SKA3: variants seen among roughly 807,000 people sequenced by gnomAD.
SKA3 encodes spindle and kinetochore-associated protein 3.
Under a neutral mutation model 44.2 loss-of-function variants are expected in SKA3, and 39 were observed. The ratio of observed to expected loss-of-function variants is 0.88; its 90% CI spans 0.68 to 1.15. The LOEUF (loss-of-function observed/expected upper bound fraction) is 1.15. Ranked by LOEUF, SKA3 falls within the 50% of genes most tolerant of loss-of-function variation. SKA3 has a pLI of 0.00. For missense variants in SKA3, 511 were observed against 485.8 expected, an observed-to-expected ratio of 1.05 and a Z score of -0.49; for synonymous variants, 192 against 172.0, an observed-to-expected ratio of 1.12 and a Z score of -0.91.
chr13:21,174,981 G>A (rs1013285538), intron 1 of SKA3, among the ~76,000 whole-genome samples: 34 of 152,108 alleles, frequency 2.2e-4, no homozygotes, highest in Non-Finnish European at 4.4e-4. Context: ...ACCATCTGAA[G>A]ATAGTTTTTT....
At position 21,168,306 on chromosome 13, in the gene SKA3, G is replaced by A; in HGVS notation, c.425C>T (p.Pro142Leu). The A allele has an allele frequency of 1.2e-6, 2 of 1,614,168 alleles. No homozygotes were observed. The highest frequency in any genetic ancestry group is 1.7e-6 in the Non-Finnish European group (2 of 1,180,020). The part of the protein sequence containing the change: ...TDVKDDLSDP[P>L]VASSCISEKS... ...CTCAGAAATACAACTGCTTGCAACA[G>A]GAGGATCAGACAGATCATCTTTCAC... Residue 142 changes from proline to leucine, a missense_variant, in exon 4 of 9, where the codon CCT becomes CTT. Coordinates refer to ENST00000314759, the MANE Select transcript of SKA3 (RefSeq NM_145061.6).
chr13:21,167,257 C>A (rs1174102602), intron 4 of SKA3, among the ~76,000 whole-genome samples: 2 of 152,168 alleles, frequency 1.3e-5, no homozygotes, highest in Non-Finnish European at 2.9e-5. Flanking sequence ...CTAGATCATC[C>A]CCTTTTCCCA....
At chr13:21,174,052 CCA>C (rs1195281822) in intron 1 of SKA3, among the ~76,000 whole-genome samples, 1 of 152,130 alleles carries the variant, frequency 6.6e-6, no homozygotes, top group Non-Finnish European at 1.5e-5. Context: ...CCATCTCACA[CCA>C]GTTAGAATGG....
At chr13:21,172,240 C>A in intron 3 of SKA3, 99 bp downstream of exon 3, 2 of 772,082 alleles carry the variant, frequency 2.6e-6, no homozygotes, top group Non-Finnish European at 4.1e-6. Context: ...AACAACAGAG[C>A]TAGAACTAAA....
intron 4 of SKA3, among the ~76,000 whole-genome samples, chr13:21,167,028 C>G (rs1034388012): frequency 6.6e-6 from 1 of 152,066 alleles, no homozygotes; most frequent in Admixed American, 6.6e-5. Flanking sequence ...GTAACTCTTA[C>G]GGTTTTAATC....
Position 21,168,406 on chromosome 13 carries a change from G to A in SKA3, c.332-7C>T. 8.6e-7 allele frequency: 1 copy of A among 1,166,518 alleles called. No individual in the cohort carries two copies. The allele number at this position is 1,166,518 out of a possible 1,614,324, so 72.3% of individuals were successfully genotyped here. On this transcript the variant is annotated splice_polypyrimidine_tract_variant and splice_region_variant and intron_variant, in intron 3 of 8. Coordinates refer to ENST00000314759, the MANE Select transcript of SKA3 (RefSeq NM_145061.6). Reference sequence around the variant, plus strand: ...ATGGCTTCTTGCTCGTGTACTAGGAGGAAAAATCAGAATATTCTGGTCAAA... The same window carrying A: ...ATGGCTTCTTGCTCGTGTACTAGGAAGAAAAATCAGAATATTCTGGTCAAA...
rs1870214210 is a variant in SKA3, at chr13:21,157,969, T to C, written c.1072A>G (p.Thr358Ala). 1.9e-6 allele frequency: 3 copies of C among 1,612,738 alleles called. No homozygotes were observed. Among genetic ancestry groups the C allele is most frequent in the Non-Finnish European group, 2.5e-6 (3 of 1,179,254 alleles). The change falls in exon 7 of 9, where the codon ACA becomes GCA. Residue 358 changes from threonine (T) to alanine (A), a missense_variant. By Grantham distance (58) the Thr-to-Ala change is moderately conservative. Coordinates refer to ENST00000314759, the MANE Select transcript of SKA3 (RefSeq NM_145061.6). The stretch of plus-strand genomic sequence containing the variant: ...TTAGTTACTTCCGGAGGTGTAGGTG[T>C]TCTGAGCAGATTCTCATAAGAAGAA... ...TISSYENLLR[T>A]PTPPEVTKIP...
chr13:21,158,006 A>C lies in SKA3; in HGVS notation c.1035T>G (p.Ser345=). The change falls in exon 7 of 9, where the codon TCT becomes TCG. Residue 345 remains serine, a synonymous_variant. Coordinates refer to ENST00000314759, the MANE Select transcript of SKA3 (RefSeq NM_145061.6). ...DTCFENLTDP[S]SPTISSYENL... ...TCTCATAAGAAGAAATCGTAGGTGA[A>C]GAGGGATCTGTTAAATTCTCAAAGC... 1 of 1,613,508 alleles carries C rather than the reference A, an allele frequency of 6.2e-7. No individual in the cohort carries two copies.
chr13:21,175,215 C>T (rs747787885), intron 1 of SKA3, among the ~76,000 whole-genome samples: 4 of 151,256 alleles, frequency 2.6e-5, no homozygotes, highest in African/African-American at 9.8e-5. Flanking sequence ...TGACCTCGGG[C>T]GATCCACCCA....
In SKA3 at chr13:21,172,650, A is replaced by AT; in HGVS notation, c.134dup (p.Tyr45Ter). ...DFEDYPMRIL[Y>*]DLHSEVQTLK... is the part of the protein sequence containing the mutation. ...GAGTCTGAACTTCTGAATGAAGGTC[A>AT]TATAAAATTCTCATTGGATAATCTT... Residue 45 changes from tyrosine (Y) to a stop codon, truncating the protein, a stop_gained and frameshift_variant, in exon 2 of 9, where the codon TAT becomes TAAT. Transcript: ENST00000314759. LOFTEE classifies it high-confidence loss of function. 6.3e-7 allele frequency: 1 copy of AT among 1,584,144 alleles called. No individual in the cohort carries two copies. The highest frequency in any genetic ancestry group is 8.6e-7 in the Non-Finnish European group (1 of 1,162,238).
chr13:21,173,830 G>A (rs1475916129), intron 1 of SKA3, among the ~76,000 whole-genome samples: 1 of 152,062 alleles, frequency 6.6e-6, no homozygotes, highest in Non-Finnish European at 1.5e-5. Flanking sequence ...CATGTCTTTG[G>A]TACCAACGTA....
intron 3 of SKA3, among the ~76,000 whole-genome samples, chr13:21,171,505 A>G (rs1023164623): frequency 6.7e-6 from 1 of 150,116 alleles, no homozygotes; most frequent in African/African-American, 2.5e-5. Context: ...TGAACCCGGG[A>G]GGTAGAGCTT....
chr13:21,158,979 C>A (rs576346346), intron 6 of SKA3, among the ~76,000 whole-genome samples: 2 of 152,282 alleles, frequency 1.3e-5, no homozygotes, highest in South Asian at 2.1e-4. Context: ...AGGCAGATAA[C>A]CTGATACTTC....
chr13:21,171,232 T>C (rs900093882), intron 3 of SKA3, among the ~76,000 whole-genome samples: 1 of 152,152 alleles, frequency 6.6e-6, no homozygotes, highest in South Asian at 2.1e-4. Context: ...ACTGTTTAAC[T>C]TACCTGCCAC....
In SKA3 at chr13:21,172,436, T is replaced by C. The variant is rs1420650675; in HGVS notation, c.234A>G (p.Ala78=). Residue 78 remains alanine (A), a synonymous_variant, in exon 3 of 9, where the codon GCA becomes GCG. Transcript: ENST00000314759. ...ENQEGIDFIK[A]TKVLMEKNSM... ...AATTTTTTTCCATTAGTACTTTTGT[T>C]GCCTTTATGAAATCAATGCCTTCTT... 2 of 1,593,772 alleles carry C rather than the reference T, an allele frequency of 1.3e-6. No individual in the cohort carries two copies. The highest frequency in any genetic ancestry group is 1.7e-6 in the Non-Finnish European group (2 of 1,173,186).
At chr13:21,156,902 TA>T in intron 7 of SKA3, among the ~76,000 whole-genome samples, 1 of 31,754 alleles carries the variant, frequency 3.1e-5, no homozygotes, top group Non-Finnish European at 7.2e-5. Context: ...CTACTAAAAA[TA>T]CAAAAAATTA....
intron 1 of SKA3, among the ~76,000 whole-genome samples, chr13:21,174,142 G>T (rs915330007): frequency 6.6e-6 from 1 of 152,224 alleles, no homozygotes; most frequent in African/African-American, 2.4e-5. Flanking sequence ...CTGTTGGTAG[G>T]ACTGTAAACT....
chr13:21,169,848 G>C (rs950878529), intron 3 of SKA3, among the ~76,000 whole-genome samples: 10 of 152,106 alleles, frequency 6.6e-5, no homozygotes, highest in African/African-American at 2.4e-4. Flanking sequence ...ATGTTGCCCA[G>C]GCTGGTCTTG....
intron 3 of SKA3, among the ~76,000 whole-genome samples, chr13:21,171,975 C>T (rs1565996605): frequency 6.6e-6 from 1 of 152,186 alleles, no homozygotes; most frequent in South Asian, 2.1e-4. Context: ...AAATAACATG[C>T]CTCGAGGTCT....
Sources: gnomAD v4.1 joint callset for allele counts (sites outside exome capture counted in the v4.1 genomes callset) on GRCh38, gnomAD v4.1.1 for gene constraint, MANE v1.5 for transcripts, NCBI Gene and HGNC (gene_info 2026-07-23, HGNC 2026-07-21) for gene names.